The following PRKN variants were observed in gnomAD, a reference collection of about 807,000 sequenced individuals.
PRKN encodes E3 ubiquitin-protein ligase parkin.
In PRKN, 56 loss-of-function variants were observed where a neutral mutation model predicts 59.5. The ratio of observed to expected loss-of-function variants is 0.94; its 90% CI spans 0.76 to 1.18. PRKN has a LOEUF of 1.18. Ranked by LOEUF, PRKN falls within the 50% of genes most tolerant of loss-of-function variation. The pLI is 0.00. For synonymous variants in PRKN, 250 were observed against 222.1 expected (o/e 1.13, Z -1.12); for missense variants, 657 against 596.4 (o/e 1.10, Z -1.06).
At chr6:162,337,810 TA>T (rs1783912979) in intron 2 of PRKN, among the ~76,000 whole-genome samples, 2 of 152,124 alleles carry the variant, frequency 1.3e-5, no homozygotes, top group African/African-American at 4.8e-5. Context: ...AATACAAAAG[TA>T]CGCTGAAGAG....
chr6:162,481,157 T>G (rs1477052882), intron 1 of PRKN, among the ~76,000 whole-genome samples: 2 of 151,982 alleles, frequency 1.3e-5, no homozygotes, highest in South Asian at 2.1e-4. Flanking sequence ...ATTAATGTTC[T>G]CATATAAAGA....
intron 7 of PRKN, chr6:161,783,530 A>G: frequency 2.2e-6 from 1 of 448,070 alleles, no homozygotes. Flanking sequence ...TTACTTTTGT[A>G]TGTTTGAAAT....
chr6:162,042,462 T>A (rs543988313), intron 5 of PRKN, among the ~76,000 whole-genome samples: 22 of 151,722 alleles, frequency 1.5e-4, no homozygotes, highest in African/African-American at 5.1e-4. Context: ...TTTTTTTTTT[T>A]ATTTTTCATA....
rs192230590 is a variant in PRKN at position 161,770,799 on chromosome 6, G to T, written c.871+14973C>A. ...AGGGCCTTTAAAGAGGTAACATGAG[G>T]CTATTGGTGTAGATCTTCACCCAAT... On this transcript the variant is annotated intron_variant, in intron 7 of 11. Transcript: ENST00000366898. 3.5e-3 allele frequency among the ~76,000 whole-genome samples: 532 copies of T among 152,126 alleles called. 4 individuals carry two copies. The highest frequency in any genetic ancestry group is 0.012 in the African/African-American group (505 of 41,502).
intron 9 of PRKN, among the ~76,000 whole-genome samples, chr6:161,441,821 C>A (rs1266709748): frequency 1.3e-5 from 2 of 152,186 alleles, no homozygotes; most frequent in Admixed American, 6.5e-5. Context: ...TGCCTGGGGG[C>A]TCCTCGGCCA....
At chr6:161,623,823 C>T (rs1782994922) in intron 7 of PRKN, among the ~76,000 whole-genome samples, 1 of 152,132 alleles carries the variant, frequency 6.6e-6, no homozygotes, top group Non-Finnish European at 1.5e-5. Context: ...TAAGAAAGCA[C>T]CTTTTCTTGC....
chr6:161,436,144 T>G (rs1583064581), intron 9 of PRKN, among the ~76,000 whole-genome samples: 1 of 67,924 alleles, frequency 1.5e-5, no homozygotes, highest in Admixed American at 1.8e-4. Flanking sequence ...GAGGCTGGGA[T>G]GGGAGGGCAG....
At chr6:161,705,169 C>G (rs1271635255) in intron 7 of PRKN, among the ~76,000 whole-genome samples, 2 of 152,114 alleles carry the variant, frequency 1.3e-5, no homozygotes, top group Non-Finnish European at 2.9e-5. Flanking sequence ...GGCTCCTCGA[C>G]TTACAATGGG....
At chr6:161,859,588 G>C (rs1793804494) in intron 6 of PRKN, among the ~76,000 whole-genome samples, 1 of 133,042 alleles carries the variant, frequency 7.5e-6, no homozygotes, top group African/African-American at 2.8e-5. Flanking sequence ...TCCAGCCTGG[G>C]TGACAGAGTG....
At chr6:161,799,476 G>A (rs1040430838) in intron 6 of PRKN, among the ~76,000 whole-genome samples, 11 of 152,196 alleles carry the variant, frequency 7.2e-5, no homozygotes, top group Non-Finnish European at 1.2e-4. Flanking sequence ...AGGCTCATCC[G>A]TTCAGAGAGC....
chr6:161,972,903 C>A (rs1410668600), intron 6 of PRKN, among the ~76,000 whole-genome samples: 1 of 152,088 alleles, frequency 6.6e-6, no homozygotes, highest in Non-Finnish European at 1.5e-5. Context: ...TGTGGTGGCA[C>A]ATGCCTAATG....
At chr6:162,405,177 C>T (rs1027387456) in intron 2 of PRKN, among the ~76,000 whole-genome samples, 31 of 152,162 alleles carry the variant, frequency 2.0e-4, no homozygotes, top group Non-Finnish European at 4.3e-4. Flanking sequence ...GACACTTGGA[C>T]GTCTTCCAAC....
chr6:162,360,761 G>A (rs1285551931), intron 2 of PRKN, among the ~76,000 whole-genome samples: 1 of 152,082 alleles, frequency 6.6e-6, no homozygotes, highest in African/African-American at 2.4e-5. Flanking sequence ...CTATGTTTCC[G>A]TGGCACACCA....
At chr6:162,667,778 T>C (rs769508723) in intron 1 of PRKN, among the ~76,000 whole-genome samples, 3 of 152,114 alleles carry the variant, frequency 2.0e-5, no homozygotes, top group Non-Finnish European at 1.5e-5. Context: ...TGAGTAAAAA[T>C]AGGCAAATTA....
intron 1 of PRKN, among the ~76,000 whole-genome samples, chr6:162,606,498 T>C (rs566250637): frequency 4.5e-4 from 69 of 152,276 alleles, no homozygotes; most frequent in African/African-American, 1.5e-3. Flanking sequence ...TTTCACACCA[T>C]TGAGAGGTCA....
intron 7 of PRKN, among the ~76,000 whole-genome samples, chr6:161,743,731 A>G (rs1788296302): frequency 6.6e-6 from 1 of 152,158 alleles, no homozygotes; most frequent in Admixed American, 6.6e-5. Flanking sequence ...AACTTACAAC[A>G]AAGGGAACTT....
chr6:161,946,109 A>G (rs995922023), intron 6 of PRKN, among the ~76,000 whole-genome samples: 1 of 152,090 alleles, frequency 6.6e-6, no homozygotes, highest in African/African-American at 2.4e-5. Flanking sequence ...ATGAGTAGAA[A>G]ATTTTTTCCT....
rs1446232274 is a variant in PRKN, at chr6:161,538,285, C to G, written c.1083+10569G>C. On this transcript the variant is annotated intron_variant, in intron 9 of 11. Transcript: ENST00000366898. This position sits in a 1 kb window ranked among gnomAD's most constrained non-coding sequence, Gnocchi z 4.2. ...GGCAAACAGACAGGCAAGGGTTATA[C>G]ATTTGACCTGGGCCTTACCCATGGC... Among the ~76,000 whole-genome samples, 1 of 152,108 alleles carries G rather than the reference C, an allele frequency of 6.6e-6. No individual in the cohort carries two copies. The highest frequency in any genetic ancestry group is 6.6e-5 in the Admixed American group (1 of 15,266).
In PRKN at chr6:161,363,071, G is replaced by C. The variant is rs935015652; in HGVS notation, c.1168-2866C>G. ...AGCCTGGCCAACATGGTGAAACCTC[G>C]TCTCTGCTAAAAACACAACGATTAG... On this transcript the variant is annotated intron_variant, in intron 10 of 11. Coordinates refer to ENST00000366898, the MANE Select transcript of PRKN (RefSeq NM_004562.3). This position sits in a 1 kb window ranked among gnomAD's most constrained non-coding sequence, Gnocchi z 4.1. 2.0e-5 allele frequency among the ~76,000 whole-genome samples: 3 copies of C among 152,000 alleles called. No homozygotes were observed. Among genetic ancestry groups the C allele is most frequent in the Non-Finnish European group, 2.9e-5 (2 of 68,012 alleles).
Sources: allele counts gnomAD v4.1 joint callset (sites outside exome capture counted in the v4.1 genomes callset), GRCh38; gene constraint gnomAD v4.1.1; non-coding constraint Gnocchi (gnomAD v3.1); transcripts MANE v1.5; gene names NCBI Gene and HGNC (gene_info 2026-07-23, HGNC 2026-07-21).